PTPRT: variants seen among roughly 807,000 people sequenced by gnomAD.
PTPRT encodes receptor-type tyrosine-protein phosphatase T.
In PTPRT, 56 loss-of-function variants were observed where a neutral mutation model predicts 176.8. The observed-to-expected ratio is 0.32, with a 90% CI of 0.26 to 0.40. The LOEUF is 0.40. Among genes scored for constraint, PTPRT ranks in the 10% least tolerant of loss-of-function variants. The pLI, the probability that PTPRT is intolerant of heterozygous loss-of-function variation, is 1.00. For synonymous variants in PTPRT, 783 were observed against 739.0 expected, an observed-to-expected ratio of 1.06 and a Z score of -0.96; for missense variants, 1,540 against 1,908.2, an observed-to-expected ratio of 0.81 and a Z score of 3.60.
chr20:42,273,007 C>T (rs74627124), intron 13 of PTPRT, among the ~76,000 whole-genome samples: 1,811 of 152,302 alleles, frequency 0.012, 42 homozygotes, highest in African/African-American at 0.041. Flanking sequence ...ATAGCATACC[C>T]TAAGTTGATT....
In PTPRT at chr20:42,396,174, T is replaced by G. The variant is rs151006376; in HGVS notation, c.1561-43889A>C. On this transcript the variant is annotated intron_variant, in intron 9 of 30. Coordinates refer to ENST00000373187, the MANE Select transcript of PTPRT (RefSeq NM_007050.6). ...ATTCCAGTGTCTTTCCTATCTCAGTTAATAGCAACTCCATCCTTCCATTTG... is the reference window on the plus strand; with the variant it reads ...ATTCCAGTGTCTTTCCTATCTCAGTGAATAGCAACTCCATCCTTCCATTTG... Among the ~76,000 whole-genome samples the G allele has an allele frequency of 7.6e-3, 1,160 of 152,316 alleles. 8 individuals carry two copies. The highest frequency in any genetic ancestry group is 0.011 in the Admixed American group (174 of 15,296).
chr20:42,878,274 T>C (rs895727458), intron 2 of PTPRT, among the ~76,000 whole-genome samples: 1 of 152,150 alleles, frequency 6.6e-6, no homozygotes, highest in African/African-American at 2.4e-5. Flanking sequence ...GAAAACATGG[T>C]TTTATGGAAC....
chr20:43,094,078 T>TCTTG (rs1568781079), intron 1 of PTPRT, among the ~76,000 whole-genome samples: 2 of 140,728 alleles, frequency 1.4e-5, no homozygotes, highest in African/African-American at 5.6e-5. Context: ...TCTGTTTTTT[T>TCTTG]CTTTCTTTCT....
At chr20:42,067,755 C>T (rs151205587), downstream of PTPRT, among the ~76,000 whole-genome samples, 118 of 152,286 alleles carry the variant, frequency 7.7e-4, 1 homozygote, top group African/African-American at 2.0e-3. Context: ...GATCAAAAGC[C>T]TGGTTGGACA....
At chr20:42,156,538 C>G (rs1358906205) in intron 17 of PTPRT, among the ~76,000 whole-genome samples, 1 of 152,238 alleles carries the variant, frequency 6.6e-6, no homozygotes, top group Non-Finnish European at 1.5e-5. Flanking sequence ...ATAGATCCAA[C>G]TACCTTCTTG....
At chr20:42,923,437 G>A (rs548948325) in intron 1 of PTPRT, among the ~76,000 whole-genome samples, 1 of 152,276 alleles carries the variant, frequency 6.6e-6, no homozygotes, top group African/African-American at 2.4e-5. Context: ...GCAAGACCTC[G>A]CAGATTAATA....
chr20:42,173,395 T>C (rs1379577568), intron 16 of PTPRT, among the ~76,000 whole-genome samples: 1 of 152,174 alleles, frequency 6.6e-6, no homozygotes, highest in Non-Finnish European at 1.5e-5. Context: ...CAACCAGATA[T>C]AAATGGCTTT....
chr20:42,194,824 A>G (rs748142943), intron 16 of PTPRT, among the ~76,000 whole-genome samples: 4 of 152,206 alleles, frequency 2.6e-5, no homozygotes, highest in Non-Finnish European at 5.9e-5. Flanking sequence ...CCATCACCCT[A>G]GAGCCCTGGA....
intron 6 of PTPRT, among the ~76,000 whole-genome samples, chr20:42,720,114 A>G (rs917928214): frequency 6.6e-6 from 1 of 152,260 alleles, no homozygotes; most frequent in Admixed American, 6.5e-5. Context: ...TGGGTGATTT[A>G]CAGGGAAAAA....
chr20:42,046,617 G>T, the PTPRT span, among the ~76,000 whole-genome samples: 1 of 152,140 alleles, frequency 6.6e-6, no homozygotes, highest in East Asian at 1.9e-4. Flanking sequence ...CTCATTATAG[G>T]CGCCCATCAA....
chr20:42,050,523 C>T, the PTPRT span, among the ~76,000 whole-genome samples: 11,588 of 152,186 alleles, frequency 0.076, 587 homozygotes, highest in Admixed American at 0.16. Flanking sequence ...TGCTGTGTGT[C>T]GGGCTGTCTC....
chr20:43,097,898 A>G (rs532363988), intron 1 of PTPRT, among the ~76,000 whole-genome samples: 9 of 152,288 alleles, frequency 5.9e-5, no homozygotes, highest in Non-Finnish European at 1.2e-4. Context: ...CTCTTGTTAC[A>G]TGAAAATCAG....
intron 16 of PTPRT, among the ~76,000 whole-genome samples, chr20:42,198,268 G>A (rs1465305416): frequency 6.6e-6 from 1 of 152,194 alleles, no homozygotes; most frequent in African/African-American, 2.4e-5. Flanking sequence ...ACAGGACTAT[G>A]GTGAGGATGA....
intron 7 of PTPRT, among the ~76,000 whole-genome samples, chr20:42,652,798 C>T (rs1215764514): frequency 2.6e-5 from 4 of 152,156 alleles, no homozygotes; most frequent in Admixed American, 1.3e-4. Flanking sequence ...TCCTTCAGTT[C>T]ATATGAGGTG....
intron 7 of PTPRT, among the ~76,000 whole-genome samples, chr20:42,473,219 T>C (rs559503513): frequency 1.3e-5 from 2 of 152,306 alleles, no homozygotes; most frequent in African/African-American, 4.8e-5. Context: ...GGGAACATCA[T>C]TCTAAAAGCT....
At chr20:42,862,269 T>G (rs985586127) in intron 2 of PTPRT, among the ~76,000 whole-genome samples, 6 of 152,064 alleles carry the variant, frequency 3.9e-5, no homozygotes, top group African/African-American at 1.4e-4. Context: ...CTCCCTTGGT[T>G]GAGAGGGGCA....
At chr20:43,180,376 C>T (rs1167469348) in intron 1 of PTPRT, among the ~76,000 whole-genome samples, 1 of 30,852 alleles carries the variant, frequency 3.2e-5, no homozygotes, top group Non-Finnish European at 8.4e-5. Context: ...TCTCTCTGCC[C>T]CCACCTCCCT....
chr20:42,702,662 T>G (rs1021958373), intron 6 of PTPRT, among the ~76,000 whole-genome samples: 1 of 152,166 alleles, frequency 6.6e-6, no homozygotes, highest in Non-Finnish European at 1.5e-5. Flanking sequence ...TGGAAAGTAT[T>G]GTAAAGATCC....
chr20:42,823,288 C>G (rs575063883), intron 2 of PTPRT, among the ~76,000 whole-genome samples: 2 of 152,106 alleles, frequency 1.3e-5, no homozygotes, highest in Non-Finnish European at 2.9e-5. Flanking sequence ...AACAGAGGAA[C>G]AGAAAACCAA....
Sources: allele counts gnomAD v4.1 joint callset (sites outside exome capture counted in the v4.1 genomes callset), GRCh38; gene constraint gnomAD v4.1.1; transcripts MANE v1.5; gene names NCBI Gene and HGNC (gene_info 2026-07-23, HGNC 2026-07-21).